The following NRXN3 variants were observed in gnomAD, a reference collection of about 807,000 sequenced individuals.
The protein encoded by NRXN3 is neurexin 3.
Under a neutral mutation model 137.6 loss-of-function variants are expected in NRXN3, and 32 were observed. The ratio of observed to expected loss-of-function variants is 0.23; its 90% confidence interval spans 0.18 to 0.31. The LOEUF is 0.31. NRXN3 is among the 10% of genes least tolerant of loss of function. NRXN3 has a pLI of 1.00. For missense variants in NRXN3, 1,574 were observed against 2,062.5 expected, an observed-to-expected ratio of 0.76 and a Z score of 4.59; for synonymous variants, 798 against 784.5, an observed-to-expected ratio of 1.02 and a Z score of -0.29.
At chr14:78,569,564 C>T (rs1013163758) in intron 4 of NRXN3, among the ~76,000 whole-genome samples, 11 of 150,196 alleles carry the variant, frequency 7.3e-5, no homozygotes, top group African/African-American at 2.0e-4. Flanking sequence ...CGCGTCCGGC[C>T]GCCTTTTATT....
chr14:79,759,953 A>G (rs2099032754), intron 19 of NRXN3, among the ~76,000 whole-genome samples: 1 of 151,752 alleles, frequency 6.6e-6, no homozygotes, highest in Non-Finnish European at 1.5e-5. Context: ...GAATAGGATC[A>G]GGAAAATGAA....
intron 15 of NRXN3, among the ~76,000 whole-genome samples, chr14:79,265,330 T>C (rs1171456498): frequency 2.0e-5 from 3 of 151,390 alleles, no homozygotes; most frequent in South Asian, 2.1e-4. Flanking sequence ...TTTCTTGTCA[T>C]TTTTATTTAT....
chr14:78,539,964 C>G (rs1371212379), intron 4 of NRXN3, among the ~76,000 whole-genome samples: 1 of 152,176 alleles, frequency 6.6e-6, no homozygotes, highest in Non-Finnish European at 1.5e-5. Context: ...GCACTGTGGT[C>G]TCAGAGACAG....
chr14:78,673,238 A>G (rs1405189109), intron 6 of NRXN3, among the ~76,000 whole-genome samples: 10 of 152,164 alleles, frequency 6.6e-5, no homozygotes. Flanking sequence ...GAGTTGGGGG[A>G]ATGAATCAAA....
chr14:79,518,260 T>C (rs1190953014), intron 16 of NRXN3, among the ~76,000 whole-genome samples: 1 of 152,142 alleles, frequency 6.6e-6, no homozygotes, highest in Non-Finnish European at 1.5e-5. Flanking sequence ...CAGTTTCTTT[T>C]AATAATTTGT....
intron 16 of NRXN3, among the ~76,000 whole-genome samples, chr14:79,515,293 A>G (rs538633950): frequency 2.7e-5 from 4 of 150,760 alleles, no homozygotes; most frequent in Non-Finnish European, 5.9e-5. Flanking sequence ...CTCTGGAGCT[A>G]AAATAGCTCT....
chr14:78,659,696 A>AT lies in NRXN3; in HGVS notation c.1221+8376dup, dbSNP rs1474600353. On this transcript the variant is annotated intron_variant, in intron 6 of 20. Transcript: ENST00000335750. ...CTCTGTCTCAGAAAACAAAACTGCC[A>AT]TTTTTTGTGTGTGAGGACAAAAAAA... Among the ~76,000 whole-genome samples, 5 of 136,702 alleles carry AT rather than the reference A, an allele frequency of 3.7e-5. No individual in the cohort carries two copies. The East Asian group carries it at 6.4e-4, about 18-fold the overall frequency. The allele number at this position is 136,702 out of a possible 152,430, so 89.7% of individuals were successfully genotyped here.
At chr14:78,633,951 C>A (rs949272534) in intron 4 of NRXN3, among the ~76,000 whole-genome samples, 1 of 152,212 alleles carries the variant, frequency 6.6e-6, no homozygotes, top group Non-Finnish European at 1.5e-5. Context: ...AGCTGGGCTG[C>A]CCTCCCTCCC....
At chr14:78,453,139 C>T (rs1449005449) in intron 4 of NRXN3, among the ~76,000 whole-genome samples, 1 of 152,180 alleles carries the variant, frequency 6.6e-6, no homozygotes, top group Non-Finnish European at 1.5e-5. Context: ...TTGTCCTCCT[C>T]CCATTTCTCT....
chr14:79,132,508 A>G (rs2057681450), intron 15 of NRXN3, among the ~76,000 whole-genome samples: 1 of 152,234 alleles, frequency 6.6e-6, no homozygotes, highest in African/African-American at 2.4e-5. Flanking sequence ...ATATATTATT[A>G]AAGTTAATTA....
intron 15 of NRXN3, among the ~76,000 whole-genome samples, chr14:79,230,377 A>G (rs1421291648): frequency 6.6e-6 from 1 of 152,150 alleles, no homozygotes; most frequent in Admixed American, 6.5e-5. Flanking sequence ...GCCTAGCCTG[A>G]AGATTCTAGC....
At chr14:78,782,250 G>C (rs1356240897) in intron 8 of NRXN3, among the ~76,000 whole-genome samples, 2 of 152,220 alleles carry the variant, frequency 1.3e-5, no homozygotes, top group Non-Finnish European at 2.9e-5. Flanking sequence ...CCTGAAAGGA[G>C]TGGTTTAAAG....
chr14:78,563,561 A>C (rs1014958697), intron 4 of NRXN3, among the ~76,000 whole-genome samples: 2 of 152,214 alleles, frequency 1.3e-5, no homozygotes, highest in African/African-American at 2.4e-5. Flanking sequence ...GGCGTTAAGC[A>C]CAGGTAACCT....
intron 16 of NRXN3, among the ~76,000 whole-genome samples, chr14:79,614,326 C>T (rs964019075): frequency 5.9e-5 from 9 of 152,128 alleles, no homozygotes; most frequent in African/African-American, 1.2e-4. Flanking sequence ...AATGTAAAAA[C>T]GCCCAGTTAG....
intron 15 of NRXN3, among the ~76,000 whole-genome samples, chr14:79,005,582 C>T (rs1158908476): frequency 2.6e-5 from 4 of 152,200 alleles, no homozygotes; most frequent in Non-Finnish European, 5.9e-5. Context: ...TTTCTCCAAA[C>T]ATAACATTCC....
At chr14:79,599,220 A>G (rs532010380) in intron 16 of NRXN3, among the ~76,000 whole-genome samples, 1 of 152,284 alleles carries the variant, frequency 6.6e-6, no homozygotes, top group African/African-American at 2.4e-5. Flanking sequence ...TCCCCTTTAT[A>G]TCTCAGGATG....
chr14:78,539,682 G>A (rs1008210252), intron 4 of NRXN3, among the ~76,000 whole-genome samples: 6 of 151,968 alleles, frequency 3.9e-5, no homozygotes, highest in African/African-American at 1.5e-4. Context: ...TGTTTCTGTC[G>A]TTCTTTTAAT....
At chr14:78,998,114 C>T (rs1384849743) in intron 15 of NRXN3, among the ~76,000 whole-genome samples, 1 of 152,174 alleles carries the variant, frequency 6.6e-6, no homozygotes, top group Non-Finnish European at 1.5e-5. Context: ...TTTCAGAAAC[C>T]ACTGCTCTTC....
At chr14:78,987,701 A>T (rs899239267) in intron 14 of NRXN3, among the ~76,000 whole-genome samples, 1 of 152,172 alleles carries the variant, frequency 6.6e-6, no homozygotes, top group African/African-American at 2.4e-5. Context: ...AAAAAAAGCT[A>T]TAATCCAAAT....
Sources: gnomAD v4.1 joint callset for allele counts (sites outside exome capture counted in the v4.1 genomes callset) on GRCh38, gnomAD v4.1.1 for gene constraint, MANE v1.5 for transcripts, NCBI Gene and HGNC (gene_info 2026-07-23, HGNC 2026-07-21) for gene names.